SAMTOR: variants seen among roughly 807,000 people sequenced by gnomAD.
SAMTOR encodes the protein UPF0532 protein C7orf60.
chr7:112,875,046 G>A, the SAMTOR span, among the ~76,000 whole-genome samples: 7 of 152,130 alleles, frequency 4.6e-5, no homozygotes, highest in Non-Finnish European at 8.8e-5. Flanking sequence ...GATCCAATCC[G>A]ATTGAGGTCT....
At chr7:112,901,550 A>G in the SAMTOR span, among the ~76,000 whole-genome samples, 1 of 152,212 alleles carries the variant, frequency 6.6e-6, no homozygotes, top group Non-Finnish European at 1.5e-5. Context: ...AAAGTGCACA[A>G]TAAATGTAAT....
the SAMTOR span, among the ~76,000 whole-genome samples, chr7:112,885,258 G>A: frequency 6.6e-6 from 1 of 152,138 alleles, no homozygotes; most frequent in Non-Finnish European, 1.5e-5. Context: ...GATCTCTGAT[G>A]TGCCCTGGAG....
the SAMTOR span, among the ~76,000 whole-genome samples, chr7:112,874,541 C>T: frequency 1.6e-4 from 24 of 152,104 alleles, 1 homozygote; most frequent in Admixed American, 1.6e-3. Flanking sequence ...CCATTAGGTA[C>T]TCTATTCACT....
the SAMTOR span, among the ~76,000 whole-genome samples, chr7:112,854,683 A>T: frequency 1.3e-5 from 2 of 152,182 alleles, no homozygotes; most frequent in East Asian, 3.9e-4. Flanking sequence ...CTTTAGTCCA[A>T]TGTTTCCCCA....
chr7:112,873,994 C>T, the SAMTOR span, among the ~76,000 whole-genome samples: 1 of 152,016 alleles, frequency 6.6e-6, no homozygotes, highest in Non-Finnish European at 1.5e-5. Context: ...ATCAAAACCA[C>T]AATGAGACAC....
chr7:112,888,054 G>A, the SAMTOR span, among the ~76,000 whole-genome samples: 1 of 148,846 alleles, frequency 6.7e-6, no homozygotes, highest in African/African-American at 2.6e-5. Context: ...CTTTTCTAAC[G>A]TGCATTCAAT....
At chr7:112,857,689 A>G in the SAMTOR span, among the ~76,000 whole-genome samples, 5 of 152,334 alleles carry the variant, frequency 3.3e-5, no homozygotes, top group East Asian at 9.6e-4. Flanking sequence ...AGGTACCCCC[A>G]GCTTCTTCAA....
chr7:112,896,458 T>C, the SAMTOR span, among the ~76,000 whole-genome samples: 48 of 152,226 alleles, frequency 3.2e-4, no homozygotes, highest in African/African-American at 1.1e-3. Context: ...CCAAGGGAAC[T>C]ATGCCCATTT....
chr7:112,836,574 A>G, the SAMTOR span, among the ~76,000 whole-genome samples: 1 of 152,076 alleles, frequency 6.6e-6, no homozygotes, highest in African/African-American at 2.4e-5. Context: ...GGTATTTCCT[A>G]GGTTATCTTC....
the SAMTOR span, among the ~76,000 whole-genome samples, chr7:112,934,330 A>G: frequency 6.6e-6 from 1 of 152,226 alleles, no homozygotes; most frequent in African/African-American, 2.4e-5. Context: ...CTAAACTTCC[A>G]AAGGATAGAT....
the SAMTOR span, among the ~76,000 whole-genome samples, chr7:112,900,714 G>A: frequency 6.6e-6 from 1 of 152,102 alleles, no homozygotes; most frequent in Non-Finnish European, 1.5e-5. Flanking sequence ...ACACAATAGA[G>A]AGTGCAAAAA....
the SAMTOR span, among the ~76,000 whole-genome samples, chr7:112,870,975 G>T: frequency 6.6e-6 from 1 of 152,112 alleles, no homozygotes; most frequent in Non-Finnish European, 1.5e-5. Flanking sequence ...TCCATGAGAA[G>T]ACTGAACTAC....
chr7:112,862,072 T>C, the SAMTOR span, among the ~76,000 whole-genome samples: 6 of 152,096 alleles, frequency 3.9e-5, no homozygotes, highest in Admixed American at 1.3e-4. Flanking sequence ...CTGGGCAACA[T>C]TGGTGAAGCC....
chr7:112,877,480 A>T, the SAMTOR span, among the ~76,000 whole-genome samples: 1 of 152,202 alleles, frequency 6.6e-6, no homozygotes, highest in East Asian at 1.9e-4. Flanking sequence ...AAATACTTTT[A>T]AAAAATGTAT....
chr7:112,838,864 A>G, the SAMTOR span, among the ~76,000 whole-genome samples: 1 of 151,818 alleles, frequency 6.6e-6, no homozygotes, highest in South Asian at 2.1e-4. Context: ...TAGCAAATAA[A>G]CTAAAGTTGC....
At chr7:112,841,790 T>C in the SAMTOR span, among the ~76,000 whole-genome samples, 3 of 152,242 alleles carry the variant, frequency 2.0e-5, no homozygotes, top group African/African-American at 7.2e-5. Flanking sequence ...TACAACCATC[T>C]GATCTTTGAC....
At chr7:112,861,299 A>C in the SAMTOR span, among the ~76,000 whole-genome samples, 1 of 152,082 alleles carries the variant, frequency 6.6e-6, no homozygotes, top group African/African-American at 2.4e-5. Context: ...TACATTTTAT[A>C]TTTCATAGAA....
chr7:112,931,414 A>T, the SAMTOR span, among the ~76,000 whole-genome samples: 2 of 152,198 alleles, frequency 1.3e-5, no homozygotes, highest in Non-Finnish European at 2.9e-5. Context: ...TATTATAAAC[A>T]TATCAACGAT....
the SAMTOR span, among the ~76,000 whole-genome samples, chr7:112,937,323 T>C: frequency 6.6e-6 from 1 of 152,174 alleles, no homozygotes; most frequent in South Asian, 2.1e-4. Flanking sequence ...ACAGTTTCCA[T>C]AGTTATTGGT....
Sources: gnomAD v4.1 joint callset for allele counts (sites outside exome capture counted in the v4.1 genomes callset) on GRCh38, gnomAD v4.1.1 for gene constraint, MANE v1.5 for transcripts, NCBI Gene and HGNC (gene_info 2026-07-23, HGNC 2026-07-21) for gene names.